The following AGBL4 variants were observed in gnomAD, a reference collection of about 807,000 sequenced individuals.
AGBL4 encodes the protein cytosolic carboxypeptidase 6.
Under a neutral mutation model 66.4 loss-of-function variants are expected in AGBL4, and 58 were observed. The ratio of observed to expected loss-of-function variants is 0.87; its 90% CI spans 0.71 to 1.09. AGBL4 has a LOEUF of 1.09. Among genes scored for constraint, AGBL4 ranks in the 50% least tolerant of loss-of-function variants. AGBL4 has a pLI of 0.00. For missense variants in AGBL4, 579 were observed against 631.0 expected, an observed-to-expected ratio of 0.92 and a Z score of 0.88; for synonymous variants, 234 against 222.9, an observed-to-expected ratio of 1.05 and a Z score of -0.44.
chr1:49,544,292 C>G (rs1652307463), intron 3 of AGBL4, among the ~76,000 whole-genome samples: 1 of 152,172 alleles, frequency 6.6e-6, no homozygotes. Context: ...CTCATGTAAG[C>G]AGAAGCTAGT....
intron 6 of AGBL4, chr1:48,777,076 G>T: frequency 3.2e-6 from 1 of 308,594 alleles, no homozygotes; most frequent in Non-Finnish European, 5.7e-6. Flanking sequence ...GATGAGGGGG[G>T]TTTGGAAGCG....
intron 6 of AGBL4, among the ~76,000 whole-genome samples, chr1:48,772,979 C>T (rs1316963873): frequency 6.6e-6 from 1 of 152,148 alleles, no homozygotes; most frequent in Non-Finnish European, 1.5e-5. Context: ...CACTCCCTCC[C>T]CCACAGAAAT....
At chr1:48,804,885 T>C (rs1474221059) in intron 6 of AGBL4, among the ~76,000 whole-genome samples, 1 of 152,202 alleles carries the variant, frequency 6.6e-6, no homozygotes, top group Non-Finnish European at 1.5e-5. Context: ...TATTGTTTGC[T>C]GGGGATGGAA....
intron 3 of AGBL4, among the ~76,000 whole-genome samples, chr1:49,553,893 C>T (rs1354597372): frequency 6.6e-6 from 1 of 152,126 alleles, no homozygotes; most frequent in Non-Finnish European, 1.5e-5. Context: ...AATCCCAGCA[C>T]TTTAGGAGGT....
At chr1:48,572,874 C>T (rs1012362432) in intron 11 of AGBL4, among the ~76,000 whole-genome samples, 1 of 152,200 alleles carries the variant, frequency 6.6e-6, no homozygotes, top group Non-Finnish European at 1.5e-5. Context: ...GCAACAAAGC[C>T]GCAGCTTGTG....
chr1:48,567,416 T>A (rs1202524548), intron 11 of AGBL4, among the ~76,000 whole-genome samples: 1 of 152,190 alleles, frequency 6.6e-6, no homozygotes, highest in Non-Finnish European at 1.5e-5. Context: ...CAGCACTGCA[T>A]GAGCCTGGTG....
At chr1:49,661,284 C>T (rs1217618093) in intron 3 of AGBL4, among the ~76,000 whole-genome samples, 2 of 152,016 alleles carry the variant, frequency 1.3e-5, no homozygotes, top group Non-Finnish European at 2.9e-5. Context: ...AAAGAATAGT[C>T]CTGTGGTTTG....
At chr1:48,852,015 C>CTTTTTTTTTTTTTTTTTTTTTTTT (rs138826187) in intron 6 of AGBL4, among the ~76,000 whole-genome samples, 2 of 71,932 alleles carry the variant, frequency 2.8e-5, no homozygotes, top group African/African-American at 5.0e-5. Context: ...CAGATACGTA[C>CTTTTTTTTTTTTTTTTTTTTTTTT]TTTTTTTTTT....
intron 4 of AGBL4, among the ~76,000 whole-genome samples, chr1:49,214,056 G>A (rs568809721): frequency 5.3e-5 from 8 of 152,150 alleles, no homozygotes; most frequent in East Asian, 1.9e-4. Context: ...TTTCTTGGAC[G>A]CACAGTAATA....
chr1:48,925,079 C>T (rs1654416352), intron 5 of AGBL4, among the ~76,000 whole-genome samples: 1 of 151,704 alleles, frequency 6.6e-6, no homozygotes, highest in Non-Finnish European at 1.5e-5. Context: ...TGCTTTCCCA[C>T]CATTATAAAG....
At chr1:49,361,331 A>G (rs114145151) in intron 3 of AGBL4, among the ~76,000 whole-genome samples, 3,517 of 152,174 alleles carry the variant, frequency 0.023, 147 homozygotes, top group African/African-American at 0.08. Context: ...AACCAGACAC[A>G]GAATTAAGAA....
At chr1:49,241,529 CATT>C (rs1651236029) in intron 4 of AGBL4, among the ~76,000 whole-genome samples, 1 of 152,012 alleles carries the variant, frequency 6.6e-6, no homozygotes, top group African/African-American at 2.4e-5. Flanking sequence ...ACAAAGTTCT[CATT>C]ATAACAGTTA....
intron 4 of AGBL4, among the ~76,000 whole-genome samples, chr1:49,066,128 C>T (rs1416827547): frequency 1.3e-5 from 2 of 152,118 alleles, no homozygotes; most frequent in African/African-American, 2.4e-5. Flanking sequence ...AGGAGAGAGG[C>T]CTTAATGGAA....
chr1:49,428,391 A>G (rs1052425545), intron 3 of AGBL4, among the ~76,000 whole-genome samples: 4 of 152,346 alleles, frequency 2.6e-5, no homozygotes, highest in Admixed American at 1.3e-4. Flanking sequence ...CTTGGGTTCC[A>G]TTGTAGCATT....
chr1:49,425,148 C>G (rs1214140076), intron 3 of AGBL4, among the ~76,000 whole-genome samples: 1 of 152,110 alleles, frequency 6.6e-6, no homozygotes, highest in Non-Finnish European at 1.5e-5. Flanking sequence ...GTTCTAAAAT[C>G]TTAAAGTTTA....
intron 11 of AGBL4, among the ~76,000 whole-genome samples, chr1:48,562,843 T>C (rs1644415947): frequency 6.6e-6 from 1 of 152,186 alleles, no homozygotes; most frequent in Non-Finnish European, 1.5e-5. Context: ...ATAATTTGTG[T>C]AAAATGTTAA....
chr1:49,196,219 T>C (rs1484318841), intron 4 of AGBL4, among the ~76,000 whole-genome samples: 1 of 152,236 alleles, frequency 6.6e-6, no homozygotes, highest in East Asian at 1.9e-4. Context: ...CTTTGTTTAT[T>C]CTTTTTCATT....
At position 48,591,309 on chromosome 1, in the gene AGBL4, T is replaced by G. The variant is rs530640952; in HGVS notation, c.952-324A>C. Among the ~76,000 whole-genome samples, 232 of 152,294 alleles carry G rather than the reference T, an allele frequency of 1.5e-3. 2 individuals are homozygous for G. Among genetic ancestry groups the G allele is most frequent in the African/African-American group, 5.2e-3 (217 of 41,548 alleles). ...TATTAGCTTGGGTTAAGTCATGATG[T>G]TACTTACTCAGAACAGCTAACACAT... is the stretch of plus-strand genomic sequence containing the variant. On this transcript the variant is annotated intron_variant, in intron 9 of 13. Coordinates refer to ENST00000371839, the MANE Select transcript of AGBL4 (RefSeq NM_032785.4).
intron 6 of AGBL4, among the ~76,000 whole-genome samples, chr1:48,718,876 ACT>A (rs1414028865): frequency 6.6e-6 from 1 of 151,852 alleles, no homozygotes; most frequent in Admixed American, 6.6e-5. Context: ...TGCTTCTATC[ACT>A]CTGATGGGAG....
Sources: gnomAD v4.1 joint callset for allele counts (sites outside exome capture counted in the v4.1 genomes callset) on GRCh38, gnomAD v4.1.1 for gene constraint, MANE v1.5 for transcripts, NCBI Gene and HGNC (gene_info 2026-07-23, HGNC 2026-07-21) for gene names.